The following DLG2 variants were observed in gnomAD, a reference collection of about 807,000 sequenced individuals.
DLG2 encodes the protein discs large MAGUK scaffold protein 2, also known as disks large homolog 2.
A neutral mutation model predicts 132.5 loss-of-function variants in DLG2; 45 were observed. The observed-to-expected ratio is 0.34, with a 90% CI of 0.27 to 0.44. The LOEUF is 0.44. Among genes scored for constraint, DLG2 ranks in the 20% least tolerant of loss-of-function variants. The pLI, the probability that DLG2 is intolerant of heterozygous loss-of-function variation, is 1.00. For missense variants in DLG2, 1,045 were observed against 1,196.9 expected (o/e 0.87, Z 1.87); for synonymous variants, 424 against 419.6 (o/e 1.01, Z -0.13).
At chr11:84,369,632 C>T (rs898795821) in intron 7 of DLG2, among the ~76,000 whole-genome samples, 71 of 152,010 alleles carry the variant, frequency 4.7e-4, no homozygotes, top group African/African-American at 1.6e-3. Context: ...ACTTGGCTCT[C>T]TATTCAATAA....
chr11:84,827,676 C>A (rs1205907624), intron 6 of DLG2, among the ~76,000 whole-genome samples: 209 of 35,066 alleles, frequency 6.0e-3, no homozygotes, highest in East Asian at 0.021. Context: ...TACATACAGT[C>A]AAAAAAAAAA....
At chr11:85,583,088 ATGTGTGTGTGTGTGTG>A (rs3068389) in intron 3 of DLG2, among the ~76,000 whole-genome samples, 15 of 29,848 alleles carry the variant, frequency 5.0e-4, no homozygotes, top group African/African-American at 1.4e-3. Flanking sequence ...AATATATGTG[ATGTGTGTGTGTGTGTG>A]TGTGTGTGTG....
chr11:85,468,297 G>C (rs1311401151), intron 3 of DLG2, among the ~76,000 whole-genome samples: 1 of 151,866 alleles, frequency 6.6e-6, no homozygotes, highest in Non-Finnish European at 1.5e-5. Context: ...GGGGATTTTT[G>C]TGTCTCTATC....
chr11:83,997,680 G>A (rs1173823322), intron 11 of DLG2, among the ~76,000 whole-genome samples: 7 of 124,406 alleles, frequency 5.6e-5, no homozygotes, highest in East Asian at 5.5e-4. Context: ...GCAGTGAGCC[G>A]AGATGGTGCC....
chr11:84,636,432 A>G (rs2099640552), intron 6 of DLG2, among the ~76,000 whole-genome samples: 1 of 152,190 alleles, frequency 6.6e-6, no homozygotes, highest in South Asian at 2.1e-4. Flanking sequence ...AAGTTATTCA[A>G]CTACTAGTGG....
intron 4 of DLG2, among the ~76,000 whole-genome samples, chr11:85,226,624 G>A (rs564137301): frequency 2.6e-5 from 4 of 152,070 alleles, no homozygotes; most frequent in Non-Finnish European, 2.9e-5. Context: ...TTCAAAATGT[G>A]GAAAATGGGG....
chr11:84,240,955 A>G (rs1362693744), intron 8 of DLG2, among the ~76,000 whole-genome samples: 1 of 152,198 alleles, frequency 6.6e-6, no homozygotes, highest in African/African-American at 2.4e-5. Context: ...AAAGGCCTTC[A>G]CAATCAGACT....
intron 21 of DLG2, among the ~76,000 whole-genome samples, chr11:83,503,682 T>C (rs1467686857): frequency 6.6e-6 from 1 of 151,954 alleles, no homozygotes; most frequent in African/African-American, 2.4e-5. Flanking sequence ...ATTCTAGCCA[T>C]GCTGGCAGCT....
intron 21 of DLG2, 89 bp downstream of exon 21, chr11:83,532,619 T>G: frequency 9.4e-7 from 1 of 1,066,848 alleles, no homozygotes; most frequent in Non-Finnish European, 1.4e-6. Context: ...CCTTCATAAT[T>G]TGTTTGCTAC....
At chr11:84,475,973 C>G (rs2099120646) in intron 7 of DLG2, among the ~76,000 whole-genome samples, 1 of 152,080 alleles carries the variant, frequency 6.6e-6, no homozygotes, top group Non-Finnish European at 1.5e-5. Context: ...CATCCCTACA[C>G]TGATGCTCCC....
intron 14 of DLG2, among the ~76,000 whole-genome samples, chr11:83,954,857 T>G (rs2086418882): frequency 6.6e-6 from 1 of 152,188 alleles, no homozygotes; most frequent in African/African-American, 2.4e-5. Flanking sequence ...TTCATTGTAG[T>G]CATAAAAATT....
intron 8 of DLG2, among the ~76,000 whole-genome samples, chr11:84,178,705 C>T (rs1054083455): frequency 1.3e-5 from 2 of 151,582 alleles, no homozygotes; most frequent in African/African-American, 4.9e-5. Flanking sequence ...AAAGGCACTG[C>T]TATGATGCCA....
At chr11:85,144,493 C>T (rs945783732) in intron 5 of DLG2, among the ~76,000 whole-genome samples, 2 of 150,756 alleles carry the variant, frequency 1.3e-5, no homozygotes, top group Non-Finnish European at 1.5e-5. Context: ...GTGGTCTTCT[C>T]TTCCCTCCTT....
At chr11:84,078,646 G>T (rs1252851330) in intron 10 of DLG2, among the ~76,000 whole-genome samples, 1 of 152,294 alleles carries the variant, frequency 6.6e-6, no homozygotes, top group East Asian at 1.9e-4. Context: ...GATATTAAGT[G>T]ACATAAATCC....
At chr11:83,675,001 T>C (rs1284405086) in intron 18 of DLG2, among the ~76,000 whole-genome samples, 14 of 152,262 alleles carry the variant, frequency 9.2e-5, no homozygotes, top group Non-Finnish European at 2.1e-4. Flanking sequence ...GTGAACTGTA[T>C]GATCACGCTT....
At chr11:83,855,604 T>A (rs2060414390) in intron 16 of DLG2, among the ~76,000 whole-genome samples, 1 of 152,204 alleles carries the variant, frequency 6.6e-6, no homozygotes, top group Admixed American at 6.5e-5. Context: ...AACTATCTGA[T>A]ACTCTGGAAA....
At chr11:84,728,269 T>A (rs1030907602) in intron 6 of DLG2, among the ~76,000 whole-genome samples, 2 of 152,224 alleles carry the variant, frequency 1.3e-5, no homozygotes, top group Non-Finnish European at 2.9e-5. Flanking sequence ...GTTCCATTGA[T>A]ACCTAGTTTA....
At chr11:85,226,225 G>A (rs2074966807) in intron 4 of DLG2, among the ~76,000 whole-genome samples, 1 of 151,352 alleles carries the variant, frequency 6.6e-6, no homozygotes. Context: ...AATATATGTA[G>A]AGCACATTTA....
intron 7 of DLG2, among the ~76,000 whole-genome samples, chr11:84,318,391 C>A (rs562304353): frequency 6.6e-6 from 1 of 152,330 alleles, no homozygotes; most frequent in Non-Finnish European, 1.5e-5. Context: ...TTTAAGTGTG[C>A]AGCCAGTTAC....
Sources: allele counts gnomAD v4.1 joint callset (sites outside exome capture counted in the v4.1 genomes callset), GRCh38; gene constraint gnomAD v4.1.1; transcripts MANE v1.5; gene names NCBI Gene and HGNC (gene_info 2026-07-23, HGNC 2026-07-21).